Variants in GPHN observed in about 807,000 individuals in gnomAD.
GPHN encodes the protein gephyrin.
A neutral mutation model predicts 95.5 loss-of-function variants in GPHN; 17 were observed. The ratio of observed to expected loss-of-function variants is 0.18; its 90% CI spans 0.12 to 0.27. The LOEUF is 0.27. Ranked by LOEUF, GPHN falls within the 10% of genes least tolerant of loss-of-function variation. The probability of loss-of-function intolerance (pLI) is 1.00; values close to 1 mark genes in which losing one functional copy is unlikely to be tolerated. For missense variants in GPHN, 660 were observed against 978.1 expected (o/e 0.67, Z 4.34); for synonymous variants, 320 against 322.5 (o/e 0.99, Z 0.08).
intron 17 of GPHN, among the ~76,000 whole-genome samples, chr14:67,125,963 A>G (rs1202528654): frequency 3.9e-5 from 6 of 152,184 alleles, no homozygotes; most frequent in Non-Finnish European, 8.8e-5. Flanking sequence ...TAAAAATAGA[A>G]GAATAAGACT....
At chr14:66,658,198 C>T (rs1394200328) in intron 1 of GPHN, among the ~76,000 whole-genome samples, 3 of 152,008 alleles carry the variant, frequency 2.0e-5, no homozygotes, top group Admixed American at 1.3e-4. Context: ...GAAGGAGAGC[C>T]GGAAGATGTG....
chr14:66,591,837 T>A (rs1344342530), intron 1 of GPHN, among the ~76,000 whole-genome samples: 1 of 152,110 alleles, frequency 6.6e-6, no homozygotes, highest in African/African-American at 2.4e-5. Context: ...GAAAAGAGGC[T>A]ATATAGCCAA....
chr14:67,275,902 T>A, the GPHN span, among the ~76,000 whole-genome samples: 1 of 152,226 alleles, frequency 6.6e-6, no homozygotes, highest in Non-Finnish European at 1.5e-5. Flanking sequence ...TCTACTTTAT[T>A]TGCGTAGAGG....
At chr14:66,668,488 G>A (rs778621227) in intron 1 of GPHN, among the ~76,000 whole-genome samples, 2 of 152,168 alleles carry the variant, frequency 1.3e-5, no homozygotes, top group African/African-American at 2.4e-5. Context: ...GCAGGGACAC[G>A]GATGGAGCTG....
At chr14:67,154,226 A>G (rs2081449243) in intron 18 of GPHN, among the ~76,000 whole-genome samples, 1 of 152,068 alleles carries the variant, frequency 6.6e-6, no homozygotes, top group Non-Finnish European at 1.5e-5. Context: ...CTTCTCTGGA[A>G]TTCTCTTCCC....
chr14:66,857,907 C>G (rs1434877561), intron 4 of GPHN, among the ~76,000 whole-genome samples: 2 of 152,122 alleles, frequency 1.3e-5, no homozygotes, highest in African/African-American at 2.4e-5. Flanking sequence ...CAGTGCTGCC[C>G]TGTCACAGCA....
At chr14:67,097,312 G>A (rs928984821) in intron 12 of GPHN, among the ~76,000 whole-genome samples, 5 of 152,140 alleles carry the variant, frequency 3.3e-5, no homozygotes, top group Non-Finnish European at 7.4e-5. Context: ...AGAAAAGGAC[G>A]CTTTAAGTAG....
chr14:67,347,355 G>T, the GPHN span: 6 of 1,418,432 alleles, frequency 4.2e-6, no homozygotes, highest in East Asian at 1.4e-4. Flanking sequence ...TTCATTTAAA[G>T]AGGAAACAGG....
intron 9 of GPHN, among the ~76,000 whole-genome samples, chr14:66,989,656 A>G (rs1251149738): frequency 4.1e-5 from 2 of 48,590 alleles, no homozygotes; most frequent in Non-Finnish European, 6.6e-5. Flanking sequence ...TCCAATATAG[A>G]AAAAAAAAAA....
At chr14:67,565,294 A>G in the GPHN span, among the ~76,000 whole-genome samples, 1 of 152,032 alleles carries the variant, frequency 6.6e-6, no homozygotes, top group Non-Finnish European at 1.5e-5. Flanking sequence ...CTCAGGCTGG[A>G]GTGCAGTGGC....
At chr14:67,278,863 AT>A in the GPHN span, among the ~76,000 whole-genome samples, 1 of 152,170 alleles carries the variant, frequency 6.6e-6, no homozygotes, top group African/African-American at 2.4e-5. Flanking sequence ...TTTCCTCACC[AT>A]TATCTGTAAA....
At chr14:66,962,838 TATG>T (rs1192857439) in intron 8 of GPHN, among the ~76,000 whole-genome samples, 1 of 151,876 alleles carries the variant, frequency 6.6e-6, no homozygotes, top group Non-Finnish European at 1.5e-5. Flanking sequence ...AATAATTTCT[TATG>T]ATAAGAACAC....
rs539130470 is a variant in GPHN at position 66,681,572 on chromosome 14, AAGT to A, written c.143+391_143+393del. Among the ~76,000 whole-genome samples, 76 of 152,216 alleles carry A rather than the reference AAGT, an allele frequency of 5.0e-4. 2 individuals are homozygous for A. In the South Asian group the frequency reaches 0.015, roughly 30 times the overall value. ...ATTTGTAATTATAATTAGAAATATA[AAGT>A]AGTTATTTGTTATAACAATATACAT... On this transcript the variant is annotated intron_variant, in intron 2 of 22. Coordinates refer to ENST00000478722, the MANE Select transcript of GPHN (RefSeq NM_020806.5).
chr14:67,224,625 A>T, the GPHN span: 57 of 270,632 alleles, frequency 2.1e-4, no homozygotes, highest in South Asian at 3.3e-4. Flanking sequence ...TAACTTTTAA[A>T]TTTTTTTTTT....
At chr14:67,212,628 T>TAAAA in the GPHN span, among the ~76,000 whole-genome samples, 1 of 145,482 alleles carries the variant, frequency 6.9e-6, no homozygotes, top group Non-Finnish European at 1.5e-5. Context: ...ATATATATTA[T>TAAAA]ATATAATATA....
chr14:67,670,654 G>C, the GPHN span, among the ~76,000 whole-genome samples: 27 of 151,822 alleles, frequency 1.8e-4, no homozygotes, highest in Non-Finnish European at 3.7e-4. Context: ...TCAGCCTCCT[G>C]AGTAGCTGGG....
At position 66,529,721 on chromosome 14, in the gene GPHN, CCT is replaced by C. The variant is rs376710950; in HGVS notation, c.64+21135_64+21136del. ...GTTAGTTTTCCTTCTAACACTCAGG[CCT>C]CTCTGCTGAAGGTCTGCTCTAGTTT... On this transcript the variant is annotated intron_variant, in intron 1 of 22. Transcript: ENST00000478722. Among the ~76,000 whole-genome samples the C allele has an allele frequency of 7.3e-3, 1,115 of 152,284 alleles. 2 individuals carry two copies. The highest frequency in any genetic ancestry group is 0.013 in the Non-Finnish European group (867 of 68,018).
chr14:66,719,254 T>C (rs536761886), intron 2 of GPHN, among the ~76,000 whole-genome samples: 27 of 152,324 alleles, frequency 1.8e-4, no homozygotes, highest in Non-Finnish European at 3.4e-4. Flanking sequence ...GAAAGATCCC[T>C]GTAATGCCAG....
At chr14:67,017,204 TAAACTC>T (rs914497481) in intron 9 of GPHN, among the ~76,000 whole-genome samples, 55 of 152,232 alleles carry the variant, frequency 3.6e-4, no homozygotes, top group Middle Eastern at 3.4e-3. Flanking sequence ...GAGCTATTAT[TAAACTC>T]AAATAAGCCA....
Sources: allele counts gnomAD v4.1 joint callset (sites outside exome capture counted in the v4.1 genomes callset), GRCh38; gene constraint gnomAD v4.1.1; transcripts MANE v1.5; gene names NCBI Gene and HGNC (gene_info 2026-07-23, HGNC 2026-07-21).